The following CTNNA3 variants were observed in gnomAD, a reference collection of about 807,000 sequenced individuals.
CTNNA3 encodes catenin alpha 3, also known as catenin alpha-3.
In CTNNA3, 76 loss-of-function variants were observed where a neutral mutation model predicts 95.7. The ratio of observed to expected loss-of-function variants is 0.79; its 90% CI spans 0.66 to 0.96. CTNNA3 has a LOEUF of 0.96. Ranked by LOEUF, CTNNA3 falls within the 40% of genes least tolerant of loss-of-function variation. CTNNA3 has a pLI of 0.00. For synonymous variants in CTNNA3, 431 were observed against 374.4 expected, an observed-to-expected ratio of 1.15 and a Z score of -1.74; for missense variants, 1,191 against 1,089.8, an observed-to-expected ratio of 1.09 and a Z score of -1.31.
chr10:67,050,434 G>T (rs138177577), intron 7 of CTNNA3, among the ~76,000 whole-genome samples: 144 of 152,050 alleles, frequency 9.5e-4, no homozygotes, highest in Non-Finnish European at 1.1e-3. Context: ...AATGACTTAA[G>T]AATATTAGAA....
intron 14 of CTNNA3, among the ~76,000 whole-genome samples, chr10:66,073,894 T>C (rs1256266202): frequency 2.6e-5 from 4 of 152,050 alleles, no homozygotes; most frequent in African/African-American, 4.8e-5. Context: ...GCCTAAATCA[T>C]AAATGTACAG....
At chr10:67,358,439 G>A (rs1432686505) in intron 5 of CTNNA3, among the ~76,000 whole-genome samples, 1 of 152,080 alleles carries the variant, frequency 6.6e-6, no homozygotes, top group Non-Finnish European at 1.5e-5. Context: ...TCTTTTGAGA[G>A]AAAACATTAA....
At chr10:67,297,204 C>A (rs367791847) in intron 5 of CTNNA3, among the ~76,000 whole-genome samples, 8 of 152,252 alleles carry the variant, frequency 5.3e-5, no homozygotes, top group Admixed American at 2.6e-4. Flanking sequence ...TACTGTGAAT[C>A]TCTTTGGTAG....
At chr10:66,218,251 A>G (rs769955334) in intron 13 of CTNNA3, among the ~76,000 whole-genome samples, 1 of 152,114 alleles carries the variant, frequency 6.6e-6, no homozygotes, top group African/African-American at 2.4e-5. Flanking sequence ...ATGGTCCCCA[A>G]TGATCCCTGC....
intron 1 of CTNNA3, among the ~76,000 whole-genome samples, chr10:67,686,719 T>C (rs1207703901): frequency 6.6e-6 from 1 of 152,162 alleles, no homozygotes; most frequent in Non-Finnish European, 1.5e-5. Context: ...TATATCAATT[T>C]CCTTACTTAG....
intron 7 of CTNNA3, among the ~76,000 whole-genome samples, chr10:66,996,424 T>C (rs1466784773): frequency 6.6e-6 from 1 of 152,070 alleles, no homozygotes; most frequent in Non-Finnish European, 1.5e-5. Flanking sequence ...GACGGGCAGA[T>C]TGCCTGGGCT....
At chr10:66,820,303 G>A (rs1842260726) in intron 7 of CTNNA3, among the ~76,000 whole-genome samples, 1 of 152,032 alleles carries the variant, frequency 6.6e-6, no homozygotes, top group Admixed American at 6.6e-5. Context: ...TACAGAAAGT[G>A]GATTAGTGGC....
At chr10:67,634,474 C>T (rs1286395141) in intron 2 of CTNNA3, among the ~76,000 whole-genome samples, 2 of 152,134 alleles carry the variant, frequency 1.3e-5, no homozygotes, top group Non-Finnish European at 2.9e-5. Flanking sequence ...ATTCACACAA[C>T]AAGATTAACC....
At chr10:66,631,019 A>G (rs1845116356) in intron 9 of CTNNA3, among the ~76,000 whole-genome samples, 3 of 152,216 alleles carry the variant, frequency 2.0e-5, no homozygotes, top group Non-Finnish European at 4.4e-5. Flanking sequence ...CAAATACTAC[A>G]AGAAGATAGA....
chr10:66,192,824 TA>T (rs1471512795), intron 13 of CTNNA3, among the ~76,000 whole-genome samples: 3 of 152,210 alleles, frequency 2.0e-5, no homozygotes, highest in African/African-American at 7.2e-5. Flanking sequence ...ACTTAAGTTC[TA>T]TTTACTTAAA....
intron 11 of CTNNA3, among the ~76,000 whole-genome samples, chr10:66,404,920 A>C (rs2093045974): frequency 1.3e-5 from 2 of 152,176 alleles, no homozygotes; most frequent in African/African-American, 4.8e-5. Context: ...TTAGGGGCAG[A>C]ACATTCCAAA....
intron 13 of CTNNA3, among the ~76,000 whole-genome samples, chr10:66,107,982 A>T (rs1328401648): frequency 2.6e-5 from 4 of 152,020 alleles, no homozygotes; most frequent in African/African-American, 9.7e-5. Flanking sequence ...ACTAAAATCA[A>T]ATAACCACCA....
At chr10:66,409,124 G>A (rs570952771) in intron 11 of CTNNA3, among the ~76,000 whole-genome samples, 3 of 152,078 alleles carry the variant, frequency 2.0e-5, no homozygotes, top group Non-Finnish European at 4.4e-5. Flanking sequence ...ATTCCAAATA[G>A]TGAATCTGCC....
chr10:66,607,312 C>A (rs1844160314), intron 10 of CTNNA3, among the ~76,000 whole-genome samples: 1 of 151,664 alleles, frequency 6.6e-6, no homozygotes, highest in African/African-American at 2.4e-5. Context: ...GAAGAAAATG[C>A]AGGATCAGAT....
intron 15 of CTNNA3, among the ~76,000 whole-genome samples, chr10:65,989,354 T>C (rs1427624802): frequency 1.3e-5 from 2 of 152,176 alleles, no homozygotes. Context: ...GCAGAGAAGA[T>C]GAAGACCTTT....
intron 1 of CTNNA3, among the ~76,000 whole-genome samples, chr10:67,725,301 C>A (rs1441471289): frequency 6.6e-6 from 1 of 151,974 alleles, no homozygotes; most frequent in Non-Finnish European, 1.5e-5. Flanking sequence ...CTCAGCCTCC[C>A]AAGTAGCTGG....
chr10:67,747,553 CAGAA>C (rs916084943), intron 1 of CTNNA3, among the ~76,000 whole-genome samples: 2 of 152,126 alleles, frequency 1.3e-5, no homozygotes, highest in African/African-American at 4.8e-5. Flanking sequence ...GAAAAACAAA[CAGAA>C]AGCAGCAACA....
chr10:67,570,600 G>A (rs118050381), intron 3 of CTNNA3, among the ~76,000 whole-genome samples: 1 of 152,228 alleles, frequency 6.6e-6, no homozygotes, highest in Non-Finnish European at 1.5e-5. Context: ...CTTTTACTAG[G>A]TGGTTCCACC....
intron 7 of CTNNA3, among the ~76,000 whole-genome samples, chr10:67,171,349 C>A (rs1862010163): frequency 6.6e-6 from 1 of 152,006 alleles, no homozygotes; most frequent in Admixed American, 6.6e-5. Context: ...CTGAGACAGG[C>A]GGTTCACCTG....
Sources: allele counts gnomAD v4.1 joint callset (sites outside exome capture counted in the v4.1 genomes callset), GRCh38; gene constraint gnomAD v4.1.1; transcripts MANE v1.5; gene names NCBI Gene and HGNC (gene_info 2026-07-23, HGNC 2026-07-21).